Variants in ZNF385B observed in about 807,000 individuals in gnomAD.
The protein encoded by ZNF385B is zinc finger protein 385B.
ZNF385B carries 23 observed loss-of-function variants against 39.2 expected under a neutral mutation model. That is an observed-to-expected ratio of 0.59 (90% CI 0.42 to 0.83). ZNF385B has a LOEUF of 0.83. Among genes scored for constraint, ZNF385B ranks in the 40% least tolerant of loss-of-function variants. The probability of loss-of-function intolerance (pLI) is 0.00; values close to 1 mark genes in which losing one functional copy is unlikely to be tolerated. For missense variants in ZNF385B, 552 were observed against 598.9 expected (o/e 0.92, Z 0.82); for synonymous variants, 205 against 222.6 (o/e 0.92, Z 0.70).
chr2:179,529,112 T>G (rs776756370), intron 4 of ZNF385B, among the ~76,000 whole-genome samples: 1 of 152,228 alleles, frequency 6.6e-6, no homozygotes, highest in Non-Finnish European at 1.5e-5. Context: ...ATGAGTAAAC[T>G]AAATAACTGA....
intron 3 of ZNF385B, among the ~76,000 whole-genome samples, chr2:179,589,460 G>A (rs185815069): frequency 7.2e-5 from 11 of 152,310 alleles, no homozygotes; most frequent in Non-Finnish European, 1.3e-4. Flanking sequence ...TCGGAAAAGG[G>A]AGGGATGAAT....
At chr2:179,458,853 G>A (rs1394747647) in intron 6 of ZNF385B, among the ~76,000 whole-genome samples, 1 of 152,164 alleles carries the variant, frequency 6.6e-6, no homozygotes, top group Non-Finnish European at 1.5e-5. Flanking sequence ...ATTTAAGCCT[G>A]AATTCAAAGT....
At chr2:179,574,651 T>C (rs889184719) in intron 3 of ZNF385B, among the ~76,000 whole-genome samples, 1 of 152,126 alleles carries the variant, frequency 6.6e-6, no homozygotes, top group African/African-American at 2.4e-5. Context: ...ATGGAAGCAA[T>C]ACTAAGGAAG....
At chr2:179,793,639 G>A (rs1353333452) in intron 1 of ZNF385B, among the ~76,000 whole-genome samples, 3 of 152,194 alleles carry the variant, frequency 2.0e-5, no homozygotes, top group Non-Finnish European at 2.9e-5. Context: ...CCTCAGCCAT[G>A]CGGAACTGTG....
chr2:179,631,631 G>A (rs780325035), intron 3 of ZNF385B, among the ~76,000 whole-genome samples: 2 of 151,956 alleles, frequency 1.3e-5, no homozygotes, highest in Admixed American at 6.6e-5. Flanking sequence ...CAAAATAAAC[G>A]GTGAACATCA....
At chr2:179,615,809 A>C (rs994559890) in intron 3 of ZNF385B, among the ~76,000 whole-genome samples, 8 of 152,202 alleles carry the variant, frequency 5.3e-5, no homozygotes, top group Non-Finnish European at 1.2e-4. Flanking sequence ...GGCACCTTAG[A>C]TGGTTCTGAG....
At chr2:179,484,875 T>A (rs1475910844) in intron 5 of ZNF385B, among the ~76,000 whole-genome samples, 1 of 152,154 alleles carries the variant, frequency 6.6e-6, no homozygotes, top group African/African-American at 2.4e-5. Flanking sequence ...AGAGTACGTT[T>A]CTAGTTGGAG....
chr2:179,625,492 C>A (rs541120827), intron 3 of ZNF385B, among the ~76,000 whole-genome samples: 79 of 151,850 alleles, frequency 5.2e-4, no homozygotes, highest in African/African-American at 1.9e-3. Context: ...CCTTAATAAG[C>A]GGCTACAATC....
chr2:179,649,307 T>C (rs142099083), intron 3 of ZNF385B, among the ~76,000 whole-genome samples: 13 of 152,332 alleles, frequency 8.5e-5, no homozygotes, highest in Non-Finnish European at 1.2e-4. Flanking sequence ...ATTCTATATC[T>C]ATCTATATTA....
intron 7 of ZNF385B, among the ~76,000 whole-genome samples, chr2:179,446,241 T>A (rs1266819582): frequency 1.3e-5 from 2 of 152,200 alleles, no homozygotes; most frequent in Non-Finnish European, 2.9e-5. Flanking sequence ...ACACTGTGCA[T>A]AAATATTTAT....
intron 3 of ZNF385B, among the ~76,000 whole-genome samples, chr2:179,572,679 C>T (rs370201087): frequency 5.3e-4 from 81 of 152,204 alleles, no homozygotes; most frequent in East Asian, 5.2e-3. Context: ...GAACACAGAA[C>T]GAGAGGTCAG....
intron 3 of ZNF385B, among the ~76,000 whole-genome samples, chr2:179,765,009 A>G (rs1234832654): frequency 6.6e-6 from 1 of 152,030 alleles, no homozygotes; most frequent in Non-Finnish European, 1.5e-5. Context: ...TCTGAATCTC[A>G]TGTTTTTTGG....
chr2:179,822,470 A>G (rs1707456594), intron 1 of ZNF385B, among the ~76,000 whole-genome samples: 1 of 152,242 alleles, frequency 6.6e-6, no homozygotes, highest in African/African-American at 2.4e-5. Flanking sequence ...ATTCTTAATT[A>G]TCAGCAGCAA....
At chr2:179,775,384 T>G (rs915782051) in intron 1 of ZNF385B, among the ~76,000 whole-genome samples, 3 of 152,210 alleles carry the variant, frequency 2.0e-5, no homozygotes, top group African/African-American at 7.2e-5. Flanking sequence ...ACTCATTGTT[T>G]AGGAAAGTGA....
intron 1 of ZNF385B, among the ~76,000 whole-genome samples, chr2:179,772,456 C>A (rs1335820973): frequency 2.0e-5 from 3 of 152,194 alleles, no homozygotes; most frequent in African/African-American, 7.2e-5. Flanking sequence ...TGGCTTCACA[C>A]TTCCCTCTTT....
chr2:179,494,143 C>G (rs2055895543), intron 5 of ZNF385B, among the ~76,000 whole-genome samples: 1 of 152,004 alleles, frequency 6.6e-6, no homozygotes, highest in Non-Finnish European at 1.5e-5. Flanking sequence ...GTTGAGAGAG[C>G]ATTTTCACAG....
At chr2:179,478,029 TC>T (rs1195592917) in intron 6 of ZNF385B, among the ~76,000 whole-genome samples, 2 of 152,148 alleles carry the variant, frequency 1.3e-5, no homozygotes, top group Non-Finnish European at 2.9e-5. Context: ...CATTTACTCC[TC>T]CAAGTCACAG....
At chr2:179,854,466 T>TA (rs71401765) in intron 1 of ZNF385B, among the ~76,000 whole-genome samples, 21,929 of 143,234 alleles carry the variant, frequency 0.15, 1,879 homozygotes, top group East Asian at 0.42. Flanking sequence ...TAGGCTGCCA[T>TA]AAAAAAAAAA....
chr2:179,781,887 A>T (rs1377538422), intron 1 of ZNF385B, among the ~76,000 whole-genome samples: 1 of 152,178 alleles, frequency 6.6e-6, no homozygotes, highest in African/African-American at 2.4e-5. Flanking sequence ...TTCACAGCCA[A>T]ATTCTACCAG....
Sources: gnomAD v4.1 joint callset for allele counts (sites outside exome capture counted in the v4.1 genomes callset) on GRCh38, gnomAD v4.1.1 for gene constraint, MANE v1.5 for transcripts, NCBI Gene and HGNC (gene_info 2026-07-23, HGNC 2026-07-21) for gene names.